PDGFB: variants seen among roughly 807,000 people sequenced by gnomAD.
The protein encoded by PDGFB is platelet-derived growth factor subunit B.
PDGFB carries 6 observed loss-of-function variants against 29.0 expected under a neutral mutation model. That is an observed-to-expected ratio of 0.21 (90% confidence interval 0.11 to 0.41). The LOEUF is 0.41. Among genes scored for constraint, PDGFB ranks in the 10% least tolerant of loss-of-function variants. The pLI is 1.00. For synonymous variants in PDGFB, 144 were observed against 140.8 expected (o/e 1.02, Z -0.16); for missense variants, 299 against 341.8 (o/e 0.87, Z 0.99).
At chr22:39,234,464 G>A (rs1002514768) in intron 2 of PDGFB, among the ~76,000 whole-genome samples, 4 of 152,178 alleles carry the variant, frequency 2.6e-5, no homozygotes, top group Admixed American at 6.5e-5. Context: ...TTGGGAACAC[G>A]CTCCTGCCAC....
At chr22:39,241,212 C>A in intron 1 of PDGFB, 1 of 466,304 alleles carries the variant, frequency 2.1e-6, no homozygotes. Context: ...ACCTCAGAGG[C>A]CTCGGCAGGC....
chr22:39,240,555 G>T (rs559440870), intron 1 of PDGFB, among the ~76,000 whole-genome samples: 9 of 152,148 alleles, frequency 5.9e-5, no homozygotes. Flanking sequence ...AAGGGGGGCT[G>T]CCCTCGGAGC....
rs1372318447 is a variant in PDGFB at position 39,231,211 on chromosome 22, T to A, written c.456+411A>T. On this transcript the variant is annotated intron_variant, in intron 4 of 6. Coordinates refer to ENST00000331163, the MANE Select transcript of PDGFB (RefSeq NM_002608.4). This position sits in a 1 kb window ranked among gnomAD's most constrained non-coding sequence, Gnocchi z 4.3. ...GAGCCTTTCTCAAGACAGCCCTGAA[T>A]AGGGAGAGCTTTGGGGGAACCTGAG... Among the ~76,000 whole-genome samples the A allele has an allele frequency of 6.6e-6, 1 of 152,236 alleles. No homozygotes were observed. The highest frequency in any genetic ancestry group is 6.5e-5 in the Admixed American group (1 of 15,286).
intron 5 of PDGFB, among the ~76,000 whole-genome samples, chr22:39,227,999 C>CA (rs1413529040): frequency 6.6e-6 from 1 of 152,192 alleles, no homozygotes; most frequent in East Asian, 1.9e-4. Context: ...GGGCCATCAG[C>CA]AGGACACTGG....
At chr22:39,237,937 A>G (rs1040592997) in intron 1 of PDGFB, among the ~76,000 whole-genome samples, 1 of 152,264 alleles carries the variant, frequency 6.6e-6, no homozygotes, top group African/African-American at 2.4e-5. Context: ...TCACTGGCAG[A>G]AGGAGAACAA....
intron 5 of PDGFB, among the ~76,000 whole-genome samples, chr22:39,226,684 T>C (rs555113337): frequency 2.6e-5 from 4 of 152,358 alleles, no homozygotes; most frequent in South Asian, 4.1e-4. Flanking sequence ...TGACCTACTA[T>C]TGAGGTTTCC....
At chr22:39,236,870 C>A (rs73884882) in intron 1 of PDGFB, among the ~76,000 whole-genome samples, 6,061 of 152,286 alleles carry the variant, frequency 0.04, 377 homozygotes, top group African/African-American at 0.14. Context: ...CAAACACACA[C>A]GTGCAGGCAC....
chr22:39,237,492 C>T (rs1241363674), intron 1 of PDGFB, among the ~76,000 whole-genome samples: 1 of 152,172 alleles, frequency 6.6e-6, no homozygotes, highest in African/African-American at 2.4e-5. Flanking sequence ...AGGGGCTGCA[C>T]GTGCAAGACA....
Position 39,238,691 on chromosome 22 carries a change from C to T in PDGFB, c.64-2817G>A, listed in dbSNP as rs146003655. Among the ~76,000 whole-genome samples, 2 of 152,396 alleles carry T rather than the reference C, an allele frequency of 1.3e-5. 1 individual carries two copies. The highest frequency in any genetic ancestry group is 4.1e-4 in the South Asian group (2 of 4,830). On this transcript the variant is annotated intron_variant, in intron 1 of 6. Transcript: ENST00000331163. The stretch of plus-strand genomic sequence containing the variant: ...CCTGTTCCAGCCCACCATGGGGCGT[C>T]TCAGCCTCCCTCTCCTGTGTTCTAA...
In PDGFB at chr22:39,231,615, T is replaced by C. The variant is rs772229126; in HGVS notation, c.456+7A>G. 1.3e-6 allele frequency: 2 copies of C among 1,548,864 alleles called. No individual in the cohort carries two copies. The highest frequency in any genetic ancestry group is 2.7e-5 in the African/African-American group (2 of 73,602). On this transcript the variant is annotated splice_region_variant and intron_variant, in intron 4 of 6. Transcript: ENST00000331163. This position sits in a 1 kb window ranked among gnomAD's most constrained non-coding sequence, Gnocchi z 4.3. Reference sequence around the variant, plus strand: ...ACCAGCCTCGGGGGGCCGCGGAGCCTACGCACCTGGACAGGTCGCAGCTGC... The same window carrying C: ...ACCAGCCTCGGGGGGCCGCGGAGCCCACGCACCTGGACAGGTCGCAGCTGC...
At chr22:39,240,868 A>G (rs752875605) in intron 1 of PDGFB, 1 of 1,613,068 alleles carries the variant, frequency 6.2e-7, no homozygotes, top group East Asian at 2.2e-5. Context: ...GCCCATGATA[A>G]ACATCTCACC....
rs1466952676 is a variant in PDGFB, at chr22:39,223,430, A to G, written c.*1912T>C. On this transcript the variant is annotated 3_prime_UTR_variant, in exon 7 of 7. Coordinates refer to ENST00000331163, the MANE Select transcript of PDGFB (RefSeq NM_002608.4). ...ACGTGTCAGGAGCTGTGCCAGGACC[A>G]AGACCAACAGAGTAGCCTGTGTGTC... 1.3e-5 allele frequency: 2 copies of G among 152,260 alleles called. No individual in the cohort carries two copies. The highest frequency in any genetic ancestry group is 1.9e-4 in the East Asian group (1 of 5,200). The allele number at this position is 152,260 out of a possible 1,614,324, so 9.4% of individuals were successfully genotyped here. A position where few individuals can be genotyped will look rare whatever the true frequency, so the allele number is the denominator to read the frequency against.
At chr22:39,240,807 G>T (rs759848772) in intron 1 of PDGFB, 1 of 1,601,950 alleles carries the variant, frequency 6.2e-7, no homozygotes. Context: ...TCACAGAAGA[G>T]GCTCCTCAAT....
At chr22:39,235,457 C>T (rs111482373) in intron 2 of PDGFB, among the ~76,000 whole-genome samples, 1,997 of 152,300 alleles carry the variant, frequency 0.013, 41 homozygotes, top group African/African-American at 0.045. Context: ...GCCACCCTCC[C>T]TGGCTGGGCC....
At chr22:39,234,115 A>T (rs902790773) in intron 2 of PDGFB, among the ~76,000 whole-genome samples, 5 of 152,078 alleles carry the variant, frequency 3.3e-5, no homozygotes, top group African/African-American at 1.2e-4. Flanking sequence ...AGTCCCTGCC[A>T]CACACCCTTC....
At chr22:39,239,723 C>T (rs923504683) in intron 1 of PDGFB, among the ~76,000 whole-genome samples, 7 of 152,202 alleles carry the variant, frequency 4.6e-5, no homozygotes, top group African/African-American at 7.2e-5. Context: ...CAGCCTCCTC[C>T]GACCCCGCCC....
intron 1 of PDGFB, among the ~76,000 whole-genome samples, chr22:39,237,537 G>C (rs912773070): frequency 6.6e-6 from 1 of 152,134 alleles, no homozygotes; most frequent in Non-Finnish European, 1.5e-5. Flanking sequence ...CCTCACTTTC[G>C]GCCCCATCTC....
At chr22:39,230,823 G>A (rs374194827) in intron 4 of PDGFB, among the ~76,000 whole-genome samples, 9 of 152,340 alleles carry the variant, frequency 5.9e-5, no homozygotes, top group Non-Finnish European at 1.3e-4. Context: ...GCAGAGCATC[G>A]GGCAAGGGCC....
chr22:39,227,652 G>A (rs1752732266), intron 5 of PDGFB, among the ~76,000 whole-genome samples: 1 of 152,196 alleles, frequency 6.6e-6, no homozygotes, highest in Non-Finnish European at 1.5e-5. Context: ...CAACCACTCA[G>A]CACAAACGAC....
Sources: allele counts gnomAD v4.1 joint callset (sites outside exome capture counted in the v4.1 genomes callset), GRCh38; gene constraint gnomAD v4.1.1; non-coding constraint Gnocchi (gnomAD v3.1); transcripts MANE v1.5; gene names NCBI Gene and HGNC (gene_info 2026-07-23, HGNC 2026-07-21).